The following PMFBP1 variants were observed in gnomAD, a reference collection of about 807,000 sequenced individuals.
The protein encoded by PMFBP1 is polyamine modulated factor 1 binding protein 1.
Under a neutral mutation model 137.8 loss-of-function variants are expected in PMFBP1, and 131 were observed. The observed-to-expected ratio is 0.95, with a 90% confidence interval of 0.82 to 1.10. The LOEUF (loss-of-function observed/expected upper bound fraction) is 1.10. Among genes scored for constraint, PMFBP1 ranks in the 50% least tolerant of loss-of-function variants. The pLI is 0.00. For missense variants in PMFBP1, 1,199 were observed against 1,175.4 expected (o/e 1.02, Z -0.29); for synonymous variants, 490 against 450.4 (o/e 1.09, Z -1.11).
At chr16:72,217,387 T>C in the PMFBP1 span, among the ~76,000 whole-genome samples, 1 of 152,226 alleles carries the variant, frequency 6.6e-6, no homozygotes, top group Non-Finnish European at 1.5e-5. Flanking sequence ...TTTTTATGTA[T>C]GACACAATTT....
At chr16:72,135,752 T>G (rs1173236086) in intron 9 of PMFBP1, among the ~76,000 whole-genome samples, 2 of 139,822 alleles carry the variant, frequency 1.4e-5, no homozygotes, top group Non-Finnish European at 3.1e-5. Flanking sequence ...TTTTTTTTTT[T>G]TTTTTTTTTT....
At chr16:72,196,003 G>C in the PMFBP1 span, among the ~76,000 whole-genome samples, 1 of 151,526 alleles carries the variant, frequency 6.6e-6, no homozygotes, top group African/African-American at 2.4e-5. Context: ...GTGTGTGTGT[G>C]TGTGTGTGTG....
At chr16:72,161,580 A>G (rs1248007046) in intron 3 of PMFBP1, among the ~76,000 whole-genome samples, 2 of 152,114 alleles carry the variant, frequency 1.3e-5, no homozygotes, top group African/African-American at 4.8e-5. Flanking sequence ...GTATTTTAGA[A>G]TAATTTTTGA....
intron 12 of PMFBP1, 135 bp downstream of exon 12, chr16:72,130,078 C>A (rs2042524819): frequency 8.6e-7 from 1 of 1,161,412 alleles, no homozygotes; most frequent in Non-Finnish European, 1.2e-6. Flanking sequence ...TGGTCTGGAA[C>A]CCCTGGGCTC....
At chr16:72,175,542 C>T (rs998038794), upstream of PMFBP1, among the ~76,000 whole-genome samples, 5 of 152,192 alleles carry the variant, frequency 3.3e-5, no homozygotes, top group African/African-American at 1.2e-4. Context: ...CTCCAAGGAA[C>T]ACCGACTATT....
At chr16:72,245,699 C>T in the PMFBP1 span, among the ~76,000 whole-genome samples, 1 of 152,200 alleles carries the variant, frequency 6.6e-6, no homozygotes, top group Admixed American at 6.5e-5. Flanking sequence ...AGGTGTAGTG[C>T]AGTGCTCCCA....
At chr16:72,135,200 G>A (rs1274048145) in intron 9 of PMFBP1, among the ~76,000 whole-genome samples, 15 of 152,038 alleles carry the variant, frequency 9.9e-5, no homozygotes, top group Admixed American at 9.8e-4. Context: ...ATTTGAGACA[G>A]AGTTTCGCTC....
the PMFBP1 span, among the ~76,000 whole-genome samples, chr16:72,225,635 C>A: frequency 6.6e-6 from 1 of 151,252 alleles, no homozygotes; most frequent in African/African-American, 2.4e-5. Context: ...ATCACTTGAA[C>A]CTGGGAGTTC....
At chr16:72,118,976 G>A (rs548188896), downstream of PMFBP1, 1 of 191,038 alleles carries the variant, frequency 5.2e-6, no homozygotes, top group African/African-American at 2.3e-5. Flanking sequence ...GGGTATTATG[G>A]CTTCCCTGTA....
intron 5 of PMFBP1, among the ~76,000 whole-genome samples, chr16:72,143,852 C>T (rs1368086622): frequency 1.3e-5 from 2 of 151,988 alleles, no homozygotes; most frequent in South Asian, 2.1e-4. Context: ...GCCAGCCTGA[C>T]CAACATGGAG....
intron 16 of PMFBP1, 98 bp downstream of exon 16, chr16:72,125,140 C>T: frequency 1.3e-6 from 2 of 1,481,768 alleles, no homozygotes; most frequent in South Asian, 2.6e-5. Flanking sequence ...AACCTAGCAG[C>T]CCAAGGGAAT....
At chr16:72,153,833 G>T (rs1191751211) in intron 4 of PMFBP1, among the ~76,000 whole-genome samples, 4 of 148,024 alleles carry the variant, frequency 2.7e-5, no homozygotes, top group Non-Finnish European at 4.4e-5. Flanking sequence ...TGGATTTAAT[G>T]GACCTTATAC....
intron 9 of PMFBP1, among the ~76,000 whole-genome samples, chr16:72,135,210 CT>C (rs1169902511): frequency 6.6e-6 from 1 of 152,016 alleles, no homozygotes; most frequent in Admixed American, 6.6e-5. Flanking sequence ...GAGTTTCGCT[CT>C]TGTTGCCCAG....
chr16:72,162,877 A>G (rs28419077), intron 3 of PMFBP1, among the ~76,000 whole-genome samples: 25,690 of 152,240 alleles, frequency 0.17, 2,339 homozygotes, highest in South Asian at 0.19. Context: ...AGAAAGAAGT[A>G]AATTATGATA....
At chr16:72,225,579 G>A in the PMFBP1 span, among the ~76,000 whole-genome samples, 1 of 151,636 alleles carries the variant, frequency 6.6e-6, no homozygotes, top group African/African-American at 2.4e-5. Flanking sequence ...CAGGTGTGGT[G>A]GTGCATGCCT....
downstream of PMFBP1, among the ~76,000 whole-genome samples, chr16:72,118,769 G>GT (rs1469733826): frequency 6.6e-6 from 1 of 151,766 alleles, no homozygotes; most frequent in Non-Finnish European, 1.5e-5. Context: ...TGGGCGGGGG[G>GT]GCAGGTGGCG....
chr16:72,218,169 C>A, the PMFBP1 span, among the ~76,000 whole-genome samples: 12 of 152,178 alleles, frequency 7.9e-5, no homozygotes, highest in African/African-American at 2.6e-4. Flanking sequence ...TCTCAGGGAA[C>A]CTTCTGACAA....
At chr16:72,136,203 C>T (rs1049927969) in intron 9 of PMFBP1, among the ~76,000 whole-genome samples, 4 of 152,042 alleles carry the variant, frequency 2.6e-5, no homozygotes, top group Non-Finnish European at 2.9e-5. Flanking sequence ...TGCTACCTTG[C>T]GGGGCTTGGG....
rs183840215 is a variant in PMFBP1 at position 72,127,548 on chromosome 16, C to G, written c.2088+1109G>C. Among the ~76,000 whole-genome samples, 1,157 of 152,126 alleles carry G rather than the reference C, an allele frequency of 7.6e-3. 23 individuals are homozygous for G. Among genetic ancestry groups the G allele is most frequent in the Non-Finnish European group, 8.1e-3 (549 of 67,994 alleles). On this transcript the variant is annotated intron_variant, in intron 14 of 20. Coordinates refer to ENST00000237353, the MANE Select transcript of PMFBP1 (RefSeq NM_031293.3). The stretch of plus-strand genomic sequence containing the variant: ...ATGGTGAAAAAAAATTACAGTGAAG[C>G]TAGAAGCTAAAATGGAAGCTTTAAA...
Sources: gnomAD v4.1 joint callset for allele counts (sites outside exome capture counted in the v4.1 genomes callset) on GRCh38, gnomAD v4.1.1 for gene constraint, MANE v1.5 for transcripts, NCBI Gene and HGNC (gene_info 2026-07-23, HGNC 2026-07-21) for gene names.